RBMS3: variants seen among roughly 807,000 people sequenced by gnomAD.
RBMS3 encodes the protein RNA-binding motif, single-stranded-interacting protein 3.
In RBMS3, 27 loss-of-function variants were observed where a neutral mutation model predicts 66.8. That is an observed-to-expected ratio of 0.40 (90% CI 0.30 to 0.56). The LOEUF (loss-of-function observed/expected upper bound fraction) is 0.56, where lower values mean the gene tolerates loss of function less well. Ranked by LOEUF, RBMS3 falls within the 20% of genes least tolerant of loss-of-function variation. The pLI is 0.40. For missense variants in RBMS3, 513 were observed against 549.5 expected (o/e 0.93, Z 0.66); for synonymous variants, 188 against 183.0 (o/e 1.03, Z -0.22).
At chr3:29,899,521 C>T (rs78854686) in intron 9 of RBMS3, among the ~76,000 whole-genome samples, 184 bp from the exon 10 acceptor site, 1,981 of 151,820 alleles carry the variant, frequency 0.013, 14 homozygotes, top group Middle Eastern at 0.024. Context: ...TTACCTTTTA[C>T]CTTGTTTCAG....
chr3:29,745,588 T>C (rs1333435059), intron 5 of RBMS3, among the ~76,000 whole-genome samples: 1 of 151,718 alleles, frequency 6.6e-6, no homozygotes, highest in African/African-American at 2.4e-5. Context: ...GGGGAAGTGA[T>C]GGGTGGGGGA....
intron 8 of RBMS3, among the ~76,000 whole-genome samples, chr3:29,893,729 A>G (rs2060057639): frequency 6.6e-6 from 1 of 151,534 alleles, no homozygotes; most frequent in African/African-American, 2.4e-5. Context: ...CATGCTTAGA[A>G]ATTTGGTATA....
chr3:29,691,945 C>CTTTTTTTT (rs1319442235), intron 4 of RBMS3, among the ~76,000 whole-genome samples: 2 of 55,742 alleles, frequency 3.6e-5, no homozygotes, highest in Non-Finnish European at 7.8e-5. Flanking sequence ...CTCTCTCTCT[C>CTTTTTTTT]TCTATTTTTT....
chr3:29,396,394 G>A (rs1049154243), intron 1 of RBMS3, among the ~76,000 whole-genome samples: 4 of 152,144 alleles, frequency 2.6e-5, no homozygotes, highest in African/African-American at 9.7e-5. Context: ...ATGCTGTATG[G>A]CAAGATGGAA....
intron 3 of RBMS3, among the ~76,000 whole-genome samples, chr3:29,504,932 T>C (rs2044124885): frequency 6.6e-6 from 1 of 151,980 alleles, no homozygotes. Flanking sequence ...ATTTTTAAAA[T>C]TAGGATATTG....
intron 4 of RBMS3, among the ~76,000 whole-genome samples, chr3:29,711,944 C>T (rs2053188162): frequency 6.6e-6 from 1 of 152,142 alleles, no homozygotes; most frequent in Non-Finnish European, 1.5e-5. Context: ...GCTCATGTAT[C>T]TTTGGATAGC....
In RBMS3 at chr3:29,734,801, T is replaced by A. The variant is rs538559400; in HGVS notation, c.400-4919T>A. On this transcript the variant is annotated intron_variant, in intron 4 of 14. Transcript: ENST00000383767. ...AATATGTAATTTGGTGTCCGTTGAG[T>A]GTAATGATGAAAAGTTGGACTTGCA... Among the ~76,000 whole-genome samples, 3 of 152,216 alleles carry A rather than the reference T, an allele frequency of 2.0e-5. No homozygotes were observed. The South Asian group carries it at 6.2e-4, about 32-fold the overall frequency.
intron 1 of RBMS3, among the ~76,000 whole-genome samples, chr3:29,375,857 CA>C: frequency 6.6e-6 from 1 of 152,010 alleles, no homozygotes; most frequent in Non-Finnish European, 1.5e-5. Flanking sequence ...GGTATATATC[CA>C]AAGGAATAGA....
intron 4 of RBMS3, among the ~76,000 whole-genome samples, chr3:29,670,394 C>A (rs923996236): frequency 1.3e-5 from 2 of 152,202 alleles, no homozygotes; most frequent in African/African-American, 4.8e-5. Context: ...GTTCATCTCA[C>A]TGGGACTTGT....
chr3:29,706,543 A>G (rs561405091), intron 4 of RBMS3, among the ~76,000 whole-genome samples: 37 of 152,260 alleles, frequency 2.4e-4, no homozygotes, highest in African/African-American at 8.9e-4. Flanking sequence ...CTTTCAGTGA[A>G]GCTTAGACTC....
At chr3:29,297,889 G>T (rs1417404507) in intron 1 of RBMS3, among the ~76,000 whole-genome samples, 1 of 151,856 alleles carries the variant, frequency 6.6e-6, no homozygotes, top group Admixed American at 6.6e-5. Flanking sequence ...GGCTTTGGGT[G>T]TGGTATTGGG....
chr3:29,874,505 A>G (rs547250573), intron 7 of RBMS3, among the ~76,000 whole-genome samples: 1 of 152,284 alleles, frequency 6.6e-6, no homozygotes, highest in African/African-American at 2.4e-5. Flanking sequence ...AAAAATTAAG[A>G]TATGTCTACC....
intron 3 of RBMS3, among the ~76,000 whole-genome samples, chr3:29,507,717 C>T (rs2044238492): frequency 6.6e-6 from 1 of 151,936 alleles, no homozygotes; most frequent in Non-Finnish European, 1.5e-5. Flanking sequence ...CTGAATTAAC[C>T]CTTGAAAAGG....
chr3:29,645,973 C>G (rs779427394), intron 4 of RBMS3, among the ~76,000 whole-genome samples: 7 of 152,198 alleles, frequency 4.6e-5, no homozygotes, highest in Non-Finnish European at 1.0e-4. Context: ...TACATTACCT[C>G]TAATCTGCTT....
intron 6 of RBMS3, among the ~76,000 whole-genome samples, chr3:29,857,882 A>G (rs1420211290): frequency 3.3e-5 from 5 of 152,184 alleles, no homozygotes; most frequent in South Asian, 4.1e-4. Flanking sequence ...AGTTAATGAC[A>G]TTTAGCTCAT....
chr3:29,519,011 A>T (rs1318814097), intron 3 of RBMS3, among the ~76,000 whole-genome samples: 1 of 152,188 alleles, frequency 6.6e-6, no homozygotes, highest in Non-Finnish European at 1.5e-5. Flanking sequence ...GCAGAGAGCA[A>T]ATTCTGCGCT....
intron 1 of RBMS3, among the ~76,000 whole-genome samples, chr3:29,369,789 AGGTCCCAAATT>A (rs1559524632): frequency 6.6e-6 from 1 of 152,130 alleles, no homozygotes; most frequent in Non-Finnish European, 1.5e-5. Context: ...TCCAGTAAAG[AGGTCCCAAATT>A]GGTGATAGGT....
chr3:29,689,917 C>CAAAA (rs66580293), intron 4 of RBMS3, among the ~76,000 whole-genome samples: 12 of 27,738 alleles, frequency 4.3e-4, no homozygotes, highest in Non-Finnish European at 6.2e-4. Context: ...CTATCTCTAC[C>CAAAA]AAAAAAAAAA....
At chr3:29,988,953 G>A (rs1299681384) in intron 13 of RBMS3, among the ~76,000 whole-genome samples, 1 of 152,086 alleles carries the variant, frequency 6.6e-6, no homozygotes. Context: ...TATTTTGAGA[G>A]CTTTAAAAAT....
Sources: allele counts gnomAD v4.1 joint callset (sites outside exome capture counted in the v4.1 genomes callset), GRCh38; gene constraint gnomAD v4.1.1; transcripts MANE v1.5; gene names NCBI Gene and HGNC (gene_info 2026-07-23, HGNC 2026-07-21).